DPP10: variants seen among roughly 807,000 people sequenced by gnomAD.
The protein encoded by DPP10 is dipeptidyl peptidase like 10, also known as inactive dipeptidyl peptidase 10.
A neutral mutation model predicts 120.9 loss-of-function variants in DPP10; 33 were observed. The ratio of observed to expected loss-of-function variants is 0.27; its 90% confidence interval spans 0.21 to 0.37. The LOEUF (loss-of-function observed/expected upper bound fraction) is 0.37. Ranked by LOEUF, DPP10 falls within the 10% of genes least tolerant of loss-of-function variation. The pLI is 1.00. For missense variants in DPP10, 816 were observed against 942.8 expected, an observed-to-expected ratio of 0.87 and a Z score of 1.76; for synonymous variants, 337 against 326.1, an observed-to-expected ratio of 1.03 and a Z score of -0.36.
intron 15 of DPP10, among the ~76,000 whole-genome samples, chr2:115,778,571 T>C (rs913134718): frequency 1.3e-5 from 2 of 152,082 alleles, no homozygotes; most frequent in Admixed American, 1.3e-4. Context: ...CATGTTCTAA[T>C]TTCCATTTCA....
chr2:114,879,775 T>C (rs1001515205), intron 1 of DPP10, among the ~76,000 whole-genome samples: 4 of 152,148 alleles, frequency 2.6e-5, no homozygotes, highest in African/African-American at 4.8e-5. Flanking sequence ...AGTCATCTTA[T>C]GTAAAATGCT....
intron 1 of DPP10, among the ~76,000 whole-genome samples, chr2:115,186,663 T>C (rs979426196): frequency 6.6e-6 from 1 of 152,126 alleles, no homozygotes; most frequent in Admixed American, 6.5e-5. Context: ...CTGTATAGTA[T>C]TTGTGGAAAA....
chr2:114,636,729 T>C (rs957692620), intron 1 of DPP10, among the ~76,000 whole-genome samples: 3 of 151,846 alleles, frequency 2.0e-5, no homozygotes, highest in South Asian at 2.1e-4. Flanking sequence ...CCCTGAGAAT[T>C]TGGGGTACTA....
chr2:115,777,362 A>G, intron 14 of DPP10, 63 bp downstream of exon 14: 1 of 1,426,090 alleles, frequency 7.0e-7, no homozygotes, highest in Non-Finnish European at 9.8e-7. Context: ...ATCTTTTCTA[A>G]TAGAATTATG....
intron 1 of DPP10, among the ~76,000 whole-genome samples, chr2:114,832,217 C>T (rs1196422888): frequency 6.6e-6 from 1 of 152,130 alleles, no homozygotes; most frequent in Non-Finnish European, 1.5e-5. Flanking sequence ...TTTCTTAGAT[C>T]TTGTTGAGAT....
intron 1 of DPP10, among the ~76,000 whole-genome samples, chr2:115,189,384 C>T (rs1011985220): frequency 3.3e-5 from 5 of 152,032 alleles, no homozygotes; most frequent in African/African-American, 1.2e-4. Context: ...CAAGGGGTGA[C>T]TCAGGTCAAA....
Position 115,162,383 on chromosome 2 carries a change from A to G in DPP10, c.61-146856A>G, listed in dbSNP as rs960903862. On this transcript the variant is annotated intron_variant, in intron 1 of 25. Transcript: ENST00000410059. Reference sequence around the variant, plus strand: ...TTGGTTCCCCATTAACGCACGCTGAAGAAATCTGCTGCGCTCCTGACGGCC... The same window carrying G: ...TTGGTTCCCCATTAACGCACGCTGAGGAAATCTGCTGCGCTCCTGACGGCC... 6.0e-6 allele frequency: 8 copies of G among 1,335,256 alleles called. No homozygotes were observed. The African/African-American group carries it at 7.8e-5, about 13-fold the overall frequency. 82.7% of individuals were successfully genotyped at this position (1,335,256 alleles called of 1,614,324 possible). A position where few individuals can be genotyped will look rare whatever the true frequency, so the allele number is the denominator to read the frequency against.
At chr2:114,798,950 G>A (rs1683950173) in intron 1 of DPP10, among the ~76,000 whole-genome samples, 1 of 152,084 alleles carries the variant, frequency 6.6e-6, no homozygotes, top group South Asian at 2.1e-4. Context: ...TCAACATGGT[G>A]AAACCCCGTC....
At chr2:114,715,957 A>T (rs1215848261) in intron 1 of DPP10, among the ~76,000 whole-genome samples, 2 of 152,102 alleles carry the variant, frequency 1.3e-5, no homozygotes, top group East Asian at 3.9e-4. Context: ...ATTACCAAAT[A>T]AGTGGTGTCA....
chr2:115,563,044 A>C (rs893724492), intron 5 of DPP10, among the ~76,000 whole-genome samples: 1 of 152,242 alleles, frequency 6.6e-6, no homozygotes, highest in African/African-American at 2.4e-5. Context: ...AATATAATTC[A>C]TGGGTATGTA....
At chr2:115,003,512 AAAAT>A (rs1238264903) in intron 1 of DPP10, among the ~76,000 whole-genome samples, 1 of 152,176 alleles carries the variant, frequency 6.6e-6, no homozygotes, top group Non-Finnish European at 1.5e-5. Flanking sequence ...CCCTAAATCT[AAAAT>A]AAAAGTCCAA....
chr2:114,471,656 TG>T (rs1362760685), intron 1 of DPP10, among the ~76,000 whole-genome samples: 24 of 152,276 alleles, frequency 1.6e-4, no homozygotes, highest in African/African-American at 5.5e-4. Flanking sequence ...TAAAATGACG[TG>T]GGTTGTAAAT....
At chr2:115,699,323 G>A (rs952544505) in intron 7 of DPP10, among the ~76,000 whole-genome samples, 2 of 152,118 alleles carry the variant, frequency 1.3e-5, no homozygotes, top group African/African-American at 4.8e-5. Flanking sequence ...TGGCTTCATG[G>A]GTGAATTCTA....
intron 1 of DPP10, among the ~76,000 whole-genome samples, chr2:115,067,874 A>AG (rs1233980690): frequency 4.7e-5 from 7 of 148,412 alleles, no homozygotes; most frequent in Admixed American, 2.0e-4. Context: ...AAAAAAAAAA[A>AG]AAAAAAGAAA....
chr2:114,919,718 A>G (rs565487449), intron 1 of DPP10, among the ~76,000 whole-genome samples: 122 of 152,306 alleles, frequency 8.0e-4, no homozygotes, highest in African/African-American at 2.8e-3. Context: ...GTCTTCAATA[A>G]CTATTACAAT....
At chr2:114,632,563 A>G (rs1488669510) in intron 1 of DPP10, among the ~76,000 whole-genome samples, 2 of 111,604 alleles carry the variant, frequency 1.8e-5, no homozygotes, top group Non-Finnish European at 3.3e-5. Flanking sequence ...CCCAGGCTGG[A>G]GTGTAGTGGT....
chr2:114,745,874 A>C (rs1345826076), intron 1 of DPP10, among the ~76,000 whole-genome samples: 2 of 152,136 alleles, frequency 1.3e-5, no homozygotes, highest in Admixed American at 1.3e-4. Context: ...CGTAGTCCCC[A>C]CTGTCCTTTC....
At chr2:114,977,922 A>G (rs1351327450) in intron 1 of DPP10, among the ~76,000 whole-genome samples, 2 of 151,460 alleles carry the variant, frequency 1.3e-5, no homozygotes, top group African/African-American at 4.9e-5. Flanking sequence ...AAATTTTTTA[A>G]CTGGTTTTGT....
At chr2:114,622,954 G>A (rs1207158023) in intron 1 of DPP10, among the ~76,000 whole-genome samples, 1 of 152,110 alleles carries the variant, frequency 6.6e-6, no homozygotes, top group Non-Finnish European at 1.5e-5. Context: ...GGCTTACATG[G>A]AGGGTATTCC....
Sources: gnomAD v4.1 joint callset for allele counts (sites outside exome capture counted in the v4.1 genomes callset) on GRCh38, gnomAD v4.1.1 for gene constraint, MANE v1.5 for transcripts, NCBI Gene and HGNC (gene_info 2026-07-23, HGNC 2026-07-21) for gene names.